ABHD12: variants seen among roughly 807,000 people sequenced by gnomAD.
The protein encoded by ABHD12 is lysophosphatidylserine lipase ABHD12.
A neutral mutation model predicts 58.3 loss-of-function variants in ABHD12; 43 were observed. The ratio of observed to expected loss-of-function variants is 0.74; its 90% CI spans 0.58 to 0.95. The LOEUF (loss-of-function observed/expected upper bound fraction) is 0.95, where lower values mean the gene tolerates loss of function less well. ABHD12 is among the 40% of genes least tolerant of loss of function. ABHD12 has a pLI of 0.00. For synonymous variants in ABHD12, 219 were observed against 211.2 expected (o/e 1.04, Z -0.32); for missense variants, 539 against 537.2 (o/e 1.00, Z -0.03).
Position 25,303,601 on chromosome 20 carries a change from G to C in ABHD12, c.978C>G (p.Leu326=). The C allele has an allele frequency of 6.2e-7, 1 of 1,613,874 alleles. No homozygotes were observed. The highest frequency in any genetic ancestry group is 2.2e-5 in the East Asian group (1 of 44,878). Residue 326 remains leucine, a synonymous_variant, in exon 11 of 13, where the codon CTC becomes CTG. Transcript: ENST00000339157. ...CCGGGTCGTCCTCAGCGTGCAGGAT[G>C]AGCAGGGGACAGGAGATGTGCTTCA... ...ENVKHISCPL[L]ILHAEDDPVV...
chr20:25,343,654 A>G (rs1171259021), intron 1 of ABHD12, among the ~76,000 whole-genome samples: 1 of 152,188 alleles, frequency 6.6e-6, no homozygotes, highest in African/African-American at 2.4e-5. Context: ...AAATACAGCA[A>G]TTAGCTGGGT....
At chr20:25,320,932 A>G (rs959760657) in intron 3 of ABHD12, among the ~76,000 whole-genome samples, 2 of 152,166 alleles carry the variant, frequency 1.3e-5, no homozygotes, top group African/African-American at 4.8e-5. Flanking sequence ...AGAGATACTG[A>G]GGTTAATTTT....
At chr20:25,320,359 C>T (rs755255114) in intron 3 of ABHD12, 41 bp from the exon 4 acceptor site, 1 of 1,609,572 alleles carries the variant, frequency 6.2e-7, no homozygotes, top group South Asian at 1.1e-5. Context: ...TCAGATGTCC[C>T]TTCTGTCCTC....
chr20:25,333,759 C>G lies in ABHD12; in HGVS notation c.316+5468G>C, dbSNP rs550136236. 3.1e-3 allele frequency among the ~76,000 whole-genome samples: 475 copies of G among 151,786 alleles called. 4 individuals carry two copies. Among genetic ancestry groups the G allele is most frequent in the African/African-American group, 0.011 (448 of 41,302 alleles). The stretch of plus-strand genomic sequence containing the variant: ...AAGGCCTCTGACAAAATTCAACAAC[C>G]CTTCATGCTAAAAACTCTCAATAAA... On this transcript the variant is annotated intron_variant, in intron 2 of 12. Transcript: ENST00000339157.
chr20:25,378,549 T>C (rs750421900), intron 1 of ABHD12, among the ~76,000 whole-genome samples: 1 of 152,148 alleles, frequency 6.6e-6, no homozygotes, highest in Admixed American at 6.5e-5. Flanking sequence ...AAAAGCCATA[T>C]CTATTCTAGT....
chr20:25,323,824 G>A (rs1041878332), intron 2 of ABHD12, among the ~76,000 whole-genome samples: 1 of 152,224 alleles, frequency 6.6e-6, no homozygotes, highest in Non-Finnish European at 1.5e-5. Flanking sequence ...CAGGAGGGAG[G>A]CTGGGGAGGC....
chr20:25,386,352 G>A (rs1227284636), intron 1 of ABHD12, among the ~76,000 whole-genome samples: 3 of 148,924 alleles, frequency 2.0e-5, no homozygotes, highest in Non-Finnish European at 4.5e-5. Flanking sequence ...TCCACCTCCC[G>A]GATTCATGCC....
rs139947241 is a variant in ABHD12 at position 25,302,612 on chromosome 20, A to G, written c.1030-266T>C. Reference sequence around the variant, plus strand: ...CTTCCTCTGGGGAGTGGCTAGGTGGATGAGCCAGACCAGGTGCCTGGGAGG... The same window carrying G: ...CTTCCTCTGGGGAGTGGCTAGGTGGGTGAGCCAGACCAGGTGCCTGGGAGG... On this transcript the variant is annotated intron_variant, in intron 11 of 12. Coordinates refer to ENST00000339157, the MANE Select transcript of ABHD12 (RefSeq NM_001042472.3). 6.5e-3 allele frequency among the ~76,000 whole-genome samples: 997 copies of G among 152,280 alleles called. 9 individuals are homozygous for G. Among genetic ancestry groups the G allele is most frequent in the African/African-American group, 0.023 (942 of 41,554 alleles).
At chr20:25,340,419 G>A (rs2089440299) in intron 1 of ABHD12, among the ~76,000 whole-genome samples, 1 of 152,212 alleles carries the variant, frequency 6.6e-6, no homozygotes, top group South Asian at 2.1e-4. Context: ...GCAATCTGCT[G>A]TGAATCCACA....
At chr20:25,351,538 C>T (rs1042413250) in intron 1 of ABHD12, among the ~76,000 whole-genome samples, 4 of 152,216 alleles carry the variant, frequency 2.6e-5, no homozygotes, top group Non-Finnish European at 5.9e-5. Context: ...AATACTGATG[C>T]TTGGGACTTG....
intron 1 of ABHD12, among the ~76,000 whole-genome samples, chr20:25,382,526 T>C (rs1312497291): frequency 3.9e-5 from 6 of 152,054 alleles, no homozygotes; most frequent in Admixed American, 2.0e-4. Flanking sequence ...AGTGTTCTAA[T>C]GGAAGAGGAG....
At chr20:25,388,961 C>T (rs993243900) in intron 1 of ABHD12, among the ~76,000 whole-genome samples, 6 of 151,932 alleles carry the variant, frequency 3.9e-5, no homozygotes, top group African/African-American at 1.5e-4. Context: ...TATGCGCCAC[C>T]ACGCCCGGCT....
intron 1 of ABHD12, among the ~76,000 whole-genome samples, chr20:25,383,753 A>T (rs905698595): frequency 3.3e-5 from 5 of 152,264 alleles, no homozygotes; most frequent in African/African-American, 9.6e-5. Flanking sequence ...CAGGAGTTCA[A>T]GATCAGCCTG....
At chr20:25,359,227 CT>C (rs2089708858) in intron 1 of ABHD12, among the ~76,000 whole-genome samples, 1 of 151,286 alleles carries the variant, frequency 6.6e-6, no homozygotes, top group Non-Finnish European at 1.5e-5. Flanking sequence ...CGAGACCATC[CT>C]GGCTAACACG....
downstream of ABHD12, chr20:25,296,641 TC>T: frequency 7.5e-7 from 1 of 1,331,012 alleles, no homozygotes; most frequent in Non-Finnish European, 1.0e-6. Context: ...GTACCATGTT[TC>T]CAGGAGGGGC....
chr20:25,313,624 A>AAAATAAAATAAAATAAAATT (rs1206965162), intron 6 of ABHD12, among the ~76,000 whole-genome samples: 75 of 148,480 alleles, frequency 5.1e-4, no homozygotes, highest in African/African-American at 1.8e-3. Context: ...AAAATAAAAT[A>AAAATAAAATAAAATAAAATT]AAATAACATT....
chr20:25,342,879 C>A (rs758887246), intron 1 of ABHD12, among the ~76,000 whole-genome samples: 1 of 152,154 alleles, frequency 6.6e-6, no homozygotes, highest in Non-Finnish European at 1.5e-5. Context: ...TGAGCCACAA[C>A]CTCCCAGACT....
intron 1 of ABHD12, among the ~76,000 whole-genome samples, chr20:25,359,347 C>A (rs1165150837): frequency 1.4e-5 from 2 of 143,166 alleles, no homozygotes; most frequent in Non-Finnish European, 3.0e-5. Context: ...TGGCGTGAAC[C>A]CGGGAGGCGG....
At chr20:25,334,176 C>T (rs1040861896) in intron 2 of ABHD12, among the ~76,000 whole-genome samples, 6 of 150,422 alleles carry the variant, frequency 4.0e-5, no homozygotes, top group African/African-American at 1.5e-4. Flanking sequence ...AGACAGAGAG[C>T]CAAATCATGA....
Sources: allele counts gnomAD v4.1 joint callset (sites outside exome capture counted in the v4.1 genomes callset), GRCh38; gene constraint gnomAD v4.1.1; transcripts MANE v1.5; gene names NCBI Gene and HGNC (gene_info 2026-07-23, HGNC 2026-07-21).